Variants in CSMD2 observed in about 807,000 individuals in gnomAD.
CSMD2 encodes CUB and sushi domain-containing protein 2.
In CSMD2, 130 loss-of-function variants were observed where a neutral mutation model predicts 398.5. The ratio of observed to expected loss-of-function variants is 0.33; its 90% CI spans 0.28 to 0.38. The LOEUF is 0.38. Among genes scored for constraint, CSMD2 ranks in the 10% least tolerant of loss-of-function variants. The pLI, the probability that CSMD2 is intolerant of heterozygous loss-of-function variation, is 1.00. For missense variants in CSMD2, 3,829 were observed against 4,764.9 expected, an observed-to-expected ratio of 0.80 and a Z score of 5.78; for synonymous variants, 1,828 against 1,908.5, an observed-to-expected ratio of 0.96 and a Z score of 1.10.
intron 6 of CSMD2, among the ~76,000 whole-genome samples, chr1:33,837,136 G>T (rs895235956): frequency 6.6e-6 from 1 of 152,064 alleles, no homozygotes; most frequent in African/African-American, 2.4e-5. Flanking sequence ...TGCTCAGGTG[G>T]GTGGGGTGAT....
chr1:34,042,777 C>T (rs755760071), intron 2 of CSMD2, among the ~76,000 whole-genome samples: 1 of 152,138 alleles, frequency 6.6e-6, no homozygotes, highest in African/African-American at 2.4e-5. Flanking sequence ...TGGTCTTTCC[C>T]CCTCTACCCA....
chr1:33,723,589 G>T (rs1379151042), intron 19 of CSMD2, among the ~76,000 whole-genome samples: 1 of 152,194 alleles, frequency 6.6e-6, no homozygotes, highest in Admixed American at 6.5e-5. Flanking sequence ...GGTCACTCAC[G>T]TTAGGGGAGC....
At chr1:34,068,164 G>A (rs769215709) in intron 2 of CSMD2, among the ~76,000 whole-genome samples, 4 of 152,146 alleles carry the variant, frequency 2.6e-5, no homozygotes, top group Non-Finnish European at 5.9e-5. Flanking sequence ...GACAACAGTC[G>A]TCATTTCCCC....
intron 3 of CSMD2, among the ~76,000 whole-genome samples, chr1:33,979,968 A>C (rs1570701262): frequency 6.6e-6 from 1 of 152,272 alleles, no homozygotes; most frequent in East Asian, 1.9e-4. Flanking sequence ...GTGTCTGTGT[A>C]AGTCTGGGTT....
At chr1:33,754,092 A>G (rs535598853) in intron 13 of CSMD2, among the ~76,000 whole-genome samples, 1 of 152,330 alleles carries the variant, frequency 6.6e-6, no homozygotes, top group South Asian at 2.1e-4. Context: ...GTATTTTACA[A>G]TGTGAAAAGG....
At chr1:33,574,921 T>A (rs1333224030) in intron 49 of CSMD2, among the ~76,000 whole-genome samples, 3 of 152,204 alleles carry the variant, frequency 2.0e-5, no homozygotes, top group Non-Finnish European at 4.4e-5. Flanking sequence ...TCCACTGGTG[T>A]CTTGCATGGA....
chr1:33,879,885 AGC>A (rs1380250227), intron 5 of CSMD2, among the ~76,000 whole-genome samples: 1 of 152,222 alleles, frequency 6.6e-6, no homozygotes, highest in African/African-American at 2.4e-5. Context: ...AATTTAGCAT[AGC>A]GCATCACACC....
chr1:33,721,234 T>C (rs888517312), intron 19 of CSMD2, among the ~76,000 whole-genome samples: 5 of 152,128 alleles, frequency 3.3e-5, no homozygotes, highest in African/African-American at 1.2e-4. Context: ...GTCTGCTCTA[T>C]CACATATTGG....
intron 1 of CSMD2, among the ~76,000 whole-genome samples, chr1:34,137,372 C>T (rs931093097): frequency 1.3e-5 from 2 of 152,228 alleles, no homozygotes; most frequent in African/African-American, 4.8e-5. Context: ...TCTTTGAGCA[C>T]TCTTAACAGC....
chr1:33,972,618 A>T (rs1323878707), intron 3 of CSMD2, among the ~76,000 whole-genome samples: 8 of 152,132 alleles, frequency 5.3e-5, no homozygotes, highest in Non-Finnish European at 1.0e-4. Context: ...GGACGGGGCC[A>T]TAATCCAAGG....
intron 25 of CSMD2, among the ~76,000 whole-genome samples, chr1:33,684,476 G>A (rs931940301): frequency 7.2e-5 from 11 of 152,048 alleles, no homozygotes; most frequent in African/African-American, 2.2e-4. Flanking sequence ...CCCCCTCCAC[G>A]AAGCCAGACA....
intron 28 of CSMD2, 61 bp from the exon 29 acceptor site, chr1:33,646,896 G>A (rs1643463656): frequency 6.6e-7 from 1 of 1,519,860 alleles, no homozygotes. Flanking sequence ...TTTTGCCGGG[G>A]TCTTAGGCTC....
At position 33,724,286 on chromosome 1, in the gene CSMD2, G is replaced by A. The variant is rs868140284; in HGVS notation, c.2912C>T (p.Ser971Phe). 1 of 1,614,066 alleles carries A rather than the reference G, an allele frequency of 6.2e-7. No individual in the cohort carries two copies. Among genetic ancestry groups the A allele is most frequent in the South Asian group, 1.1e-5 (1 of 91,048 alleles). The change falls in exon 19 of 71, where the codon TCC becomes TTC. Residue 971 changes from serine to phenylalanine, a missense_variant. Physicochemically the swap from Ser to Phe is radical, Grantham distance 155. Around this residue, in one of 5 missense-constraint regions of CSMD2, gnomAD observed 2,001 missense variants for 2,567.1 expected, o/e 0.78. Transcript: ENST00000373381. ...CCCTGGCGACAAGATGGTCCCACTG[G>A]AGCCTTGAATGAAGCCACCACAGAG... ...EALCGGFIQG[S>F]SGTILSPGFP... is the part of the protein sequence containing the mutation.
At chr1:33,536,970 T>A in intron 62 of CSMD2, 52 bp downstream of exon 62, 1 of 1,557,990 alleles carries the variant, frequency 6.4e-7, no homozygotes, top group South Asian at 1.1e-5. Context: ...ATGTTGACAG[T>A]GACAAGAAGG....
At chr1:34,125,977 G>A (rs1662700513) in intron 1 of CSMD2, among the ~76,000 whole-genome samples, 1 of 152,198 alleles carries the variant, frequency 6.6e-6, no homozygotes, top group Non-Finnish European at 1.5e-5. Context: ...TCAGAAGGGA[G>A]AGGGTTGTGA....
At chr1:33,799,359 G>T (rs1013254053) in intron 10 of CSMD2, among the ~76,000 whole-genome samples, 1 of 152,200 alleles carries the variant, frequency 6.6e-6, no homozygotes, top group Admixed American at 6.5e-5. Context: ...GTACCCCAGG[G>T]TTCCATAAAG....
intron 13 of CSMD2, among the ~76,000 whole-genome samples, chr1:33,760,600 G>A (rs1649700823): frequency 6.6e-6 from 1 of 152,154 alleles, no homozygotes; most frequent in Non-Finnish European, 1.5e-5. Flanking sequence ...AAGGAAGAGG[G>A]CAGGTACTTT....
intron 29 of CSMD2, among the ~76,000 whole-genome samples, chr1:33,645,647 A>G (rs1424531112): frequency 1.3e-5 from 2 of 152,212 alleles, no homozygotes; most frequent in African/African-American, 4.8e-5. Flanking sequence ...ACTACTAATG[A>G]TACTTGAACA....
At chr1:33,630,726 T>C (rs1375234525) in intron 32 of CSMD2, among the ~76,000 whole-genome samples, 3 of 151,996 alleles carry the variant, frequency 2.0e-5, no homozygotes, top group Non-Finnish European at 2.9e-5. Flanking sequence ...TACATGGAAA[T>C]AAAAATATAA....
Sources: gnomAD v4.1 joint callset for allele counts (sites outside exome capture counted in the v4.1 genomes callset) on GRCh38, gnomAD v4.1.1 for gene constraint, gnomAD v4.1.1 regional missense constraint, MANE v1.5 for transcripts, NCBI Gene and HGNC (gene_info 2026-07-23, HGNC 2026-07-21) for gene names.